Variants in SMAP1 observed in about 807,000 individuals in gnomAD.
The protein encoded by SMAP1 is stromal membrane-associated protein 1.
A neutral mutation model predicts 58.5 loss-of-function variants in SMAP1; 24 were observed. The ratio of observed to expected loss-of-function variants is 0.41; its 90% CI spans 0.30 to 0.58. The LOEUF is 0.58. Ranked by LOEUF, SMAP1 falls within the 20% of genes least tolerant of loss-of-function variation. SMAP1 has a pLI of 0.29. For synonymous variants in SMAP1, 216 were observed against 196.6 expected, an observed-to-expected ratio of 1.10 and a Z score of -0.82; for missense variants, 563 against 566.3, an observed-to-expected ratio of 0.99 and a Z score of 0.06.
chr6:70,701,385 G>A (rs781971), intron 1 of SMAP1, among the ~76,000 whole-genome samples: 66,007 of 151,950 alleles, frequency 0.43, 14,713 homozygotes, highest in South Asian at 0.5. Context: ...ACTAGGTCAC[G>A]TGCACCCAAA....
chr6:70,806,011 C>T (rs1769112766), intron 6 of SMAP1, among the ~76,000 whole-genome samples: 1 of 152,320 alleles, frequency 6.6e-6, no homozygotes, highest in East Asian at 1.9e-4. Flanking sequence ...AGCTCAAATG[C>T]AGTGCTGGGA....
At chr6:70,677,360 A>C (rs1016211285) in intron 1 of SMAP1, among the ~76,000 whole-genome samples, 4 of 144,924 alleles carry the variant, frequency 2.8e-5, no homozygotes, top group Admixed American at 6.9e-5. Flanking sequence ...GTTCTCTTTA[A>C]TCCTTATTGC....
chr6:70,850,908 A>G (rs1368053079), intron 7 of SMAP1, among the ~76,000 whole-genome samples: 1 of 152,156 alleles, frequency 6.6e-6, no homozygotes, highest in Non-Finnish European at 1.5e-5. Flanking sequence ...TTTAAAGTGA[A>G]TATTGCCATT....
intron 4 of SMAP1, among the ~76,000 whole-genome samples, chr6:70,775,599 A>G (rs555888322): frequency 3.4e-4 from 52 of 152,338 alleles, no homozygotes; most frequent in African/African-American, 1.2e-3. Context: ...GAGAGAGAAC[A>G]AATATGGCTA....
chr6:70,852,482 C>T, intron 7 of SMAP1, 58 bp from the exon 8 acceptor site: 2 of 1,370,984 alleles, frequency 1.5e-6, no homozygotes, highest in Non-Finnish European at 9.5e-7. Context: ...AAAATAATGC[C>T]ATGTTTCAAG....
intron 3 of SMAP1, among the ~76,000 whole-genome samples, chr6:70,771,435 C>G (rs1562148774): frequency 6.6e-6 from 1 of 152,228 alleles, no homozygotes; most frequent in Non-Finnish European, 1.5e-5. Flanking sequence ...CTTTGTTTAC[C>G]TAGGCAAGCC....
chr6:70,818,165 G>A (rs994889444), intron 6 of SMAP1, among the ~76,000 whole-genome samples: 3 of 151,720 alleles, frequency 2.0e-5, no homozygotes, highest in African/African-American at 4.8e-5. Flanking sequence ...AGGTTGAGGC[G>A]GGCGGATTAC....
At chr6:70,754,670 A>G (rs1214003966) in intron 2 of SMAP1, among the ~76,000 whole-genome samples, 1 of 152,076 alleles carries the variant, frequency 6.6e-6, no homozygotes, top group African/African-American at 2.4e-5. Flanking sequence ...AGTACTGCCT[A>G]CAAACTATGA....
rs1398206683 is a variant in SMAP1, at chr6:70,859,558, C to T, written c.1270-642C>T. The T allele has an allele frequency of 1.5e-5, 8 of 537,922 alleles. No individual in the cohort carries two copies. In the Admixed American group the frequency reaches 2.6e-4, roughly 18 times the overall value. The allele number at this position is 537,922 out of a possible 1,614,324, so 33.3% of individuals were successfully genotyped here. On this transcript the variant is annotated intron_variant, in intron 10 of 10. Transcript: ENST00000370455. ...TCTAACTCTGAGTGTAAGTTTTAAA[C>T]CCACTCACTATATGGTAAATCTTGC...
intron 6 of SMAP1, among the ~76,000 whole-genome samples, chr6:70,809,178 G>A (rs1046986683): frequency 2.0e-5 from 3 of 152,182 alleles, no homozygotes; most frequent in African/African-American, 4.8e-5. Context: ...AAGCAGTGAC[G>A]CTATAAGAGA....
At chr6:70,695,588 G>A (rs1447960672) in intron 1 of SMAP1, among the ~76,000 whole-genome samples, 1 of 152,120 alleles carries the variant, frequency 6.6e-6, no homozygotes, top group Non-Finnish European at 1.5e-5. Context: ...TATCACATTG[G>A]TTAATTTGCA....
chr6:70,822,976 T>C (rs192531474), intron 6 of SMAP1, among the ~76,000 whole-genome samples: 44 of 152,298 alleles, frequency 2.9e-4, no homozygotes, highest in Admixed American at 1.2e-3. Flanking sequence ...CTTTATTTCT[T>C]TTTTAATCTT....
intron 4 of SMAP1, among the ~76,000 whole-genome samples, chr6:70,788,180 C>G (rs1404814359): frequency 6.6e-6 from 1 of 151,364 alleles, no homozygotes; most frequent in African/African-American, 2.4e-5. Context: ...AACCATCATT[C>G]TCAGCAAACT....
chr6:70,688,043 A>G (rs575116837), intron 1 of SMAP1, among the ~76,000 whole-genome samples: 3 of 152,312 alleles, frequency 2.0e-5, no homozygotes, highest in Admixed American at 2.0e-4. Context: ...AAAATGTTAT[A>G]AAAATAGAAT....
At chr6:70,767,673 T>C (rs1322066779) in intron 3 of SMAP1, among the ~76,000 whole-genome samples, 1 of 149,970 alleles carries the variant, frequency 6.7e-6, no homozygotes, top group African/African-American at 2.5e-5. Flanking sequence ...GTTTTCTAGA[T>C]ATACAATCAT....
At chr6:70,820,450 G>A (rs902126873) in intron 6 of SMAP1, among the ~76,000 whole-genome samples, 4 of 152,160 alleles carry the variant, frequency 2.6e-5, no homozygotes, top group South Asian at 4.1e-4. Context: ...AATGGCTCAC[G>A]CCTGTAGTCC....
At chr6:70,718,223 G>A (rs1768355660) in intron 1 of SMAP1, among the ~76,000 whole-genome samples, 1 of 152,204 alleles carries the variant, frequency 6.6e-6, no homozygotes, top group African/African-American at 2.4e-5. Context: ...TTGGAACCAG[G>A]AGGACATTGT....
intron 2 of SMAP1, chr6:70,734,377 C>G (rs1765541370): frequency 6.6e-6 from 1 of 152,512 alleles, no homozygotes; most frequent in Non-Finnish European, 1.5e-5. Flanking sequence ...AACTCCTGAC[C>G]TCAAGTGATC....
chr6:70,820,910 G>C (rs1050513036), intron 6 of SMAP1, among the ~76,000 whole-genome samples: 2 of 151,978 alleles, frequency 1.3e-5, no homozygotes, highest in Non-Finnish European at 2.9e-5. Context: ...ACTATCATAC[G>C]TAAATAAACT....
Sources: gnomAD v4.1 joint callset for allele counts (sites outside exome capture counted in the v4.1 genomes callset) on GRCh38, gnomAD v4.1.1 for gene constraint, MANE v1.5 for transcripts, NCBI Gene and HGNC (gene_info 2026-07-23, HGNC 2026-07-21) for gene names.